Variants in NR2F1-AS1 observed in about 807,000 individuals in gnomAD.
NR2F1-AS1 encodes NR2F1 regulatory antisense RNA 1.
intron 4 of NR2F1-AS1, among the ~76,000 whole-genome samples, chr5:93,477,283 C>T (rs1375323299): frequency 6.6e-6 from 1 of 152,058 alleles, no homozygotes; most frequent in Non-Finnish European, 1.5e-5. Flanking sequence ...ACTGAAACAT[C>T]AATGCTAATG....
intron 4 of NR2F1-AS1, among the ~76,000 whole-genome samples, chr5:93,521,148 G>A (rs1199384907): frequency 6.6e-6 from 1 of 152,066 alleles, no homozygotes; most frequent in Non-Finnish European, 1.5e-5. Context: ...AATGATGCTG[G>A]GATAACTGGC....
chr5:93,540,720 T>G (rs1159695973), intron 4 of NR2F1-AS1, among the ~76,000 whole-genome samples: 1 of 152,064 alleles, frequency 6.6e-6, no homozygotes, highest in South Asian at 2.1e-4. Flanking sequence ...TAAAGAAGAA[T>G]TTTTCCCTTC....
chr5:93,566,107 A>G (rs970447453), intron 1 of NR2F1-AS1, among the ~76,000 whole-genome samples: 1 of 151,990 alleles, frequency 6.6e-6, no homozygotes, highest in African/African-American at 2.4e-5. Context: ...CTAAATATCT[A>G]CATAGAACCT....
intron 4 of NR2F1-AS1, among the ~76,000 whole-genome samples, chr5:93,501,507 C>G (rs1751079363): frequency 1.3e-5 from 2 of 151,862 alleles, no homozygotes; most frequent in African/African-American, 4.8e-5. Context: ...GTGTCCACCA[C>G]CATACCCAGC....
intron 4 of NR2F1-AS1, among the ~76,000 whole-genome samples, chr5:93,413,228 G>GTATA (rs769121658): frequency 1.5e-4 from 21 of 144,446 alleles, no homozygotes; most frequent in South Asian, 6.5e-4. Flanking sequence ...ATATGTGTGT[G>GTATA]TATATATATA....
chr5:93,522,448 T>C (rs1333276009), intron 4 of NR2F1-AS1, among the ~76,000 whole-genome samples: 5 of 152,164 alleles, frequency 3.3e-5, no homozygotes, highest in Non-Finnish European at 7.4e-5. Flanking sequence ...ACTAATTCAT[T>C]CCCTTTTTTA....
chr5:93,523,030 G>A (rs1751535683), intron 4 of NR2F1-AS1, among the ~76,000 whole-genome samples: 2 of 152,030 alleles, frequency 1.3e-5, no homozygotes, highest in African/African-American at 4.8e-5. Flanking sequence ...GGGGGCTAAA[G>A]CCAGGCAGCC....
chr5:93,425,939 A>T (rs975379681), intron 4 of NR2F1-AS1, among the ~76,000 whole-genome samples: 4 of 152,174 alleles, frequency 2.6e-5, no homozygotes, highest in African/African-American at 9.6e-5. Context: ...TTTAAAACAA[A>T]GATTAAAGTC....
intron 4 of NR2F1-AS1, among the ~76,000 whole-genome samples, chr5:93,547,542 G>A (rs545845830): frequency 6.6e-6 from 1 of 152,086 alleles, no homozygotes; most frequent in Non-Finnish European, 1.5e-5. Flanking sequence ...AATATCAACA[G>A]CAAGGAGGCC....
At chr5:93,479,560 A>G (rs1285766385) in intron 4 of NR2F1-AS1, among the ~76,000 whole-genome samples, 1 of 152,214 alleles carries the variant, frequency 6.6e-6, no homozygotes, top group Non-Finnish European at 1.5e-5. Flanking sequence ...TAGAAGGCAG[A>G]ATTTGATTTC....
At chr5:93,582,531 T>C (rs964984443), upstream of NR2F1-AS1, among the ~76,000 whole-genome samples, 2 of 152,148 alleles carry the variant, frequency 1.3e-5, no homozygotes, top group African/African-American at 2.4e-5. Flanking sequence ...ATTGTGCTTA[T>C]ATGTGAGAGA....
chr5:93,430,596 G>A (rs1207293356), intron 4 of NR2F1-AS1, among the ~76,000 whole-genome samples: 3 of 152,122 alleles, frequency 2.0e-5, no homozygotes, highest in Non-Finnish European at 4.4e-5. Context: ...AGTATTCAGA[G>A]TAATTATCTG....
At chr5:93,554,453 A>G (rs1384457944) in intron 3 of NR2F1-AS1, among the ~76,000 whole-genome samples, 1 of 152,210 alleles carries the variant, frequency 6.6e-6, no homozygotes, top group Non-Finnish European at 1.5e-5. Flanking sequence ...GACTCCTGAT[A>G]TGGAATTTTA....
chr5:93,484,248 A>ATC (rs1250644211), intron 4 of NR2F1-AS1, among the ~76,000 whole-genome samples: 3 of 152,224 alleles, frequency 2.0e-5, no homozygotes, highest in Non-Finnish European at 4.4e-5. Context: ...CTAACAGCGG[A>ATC]TCTCTCTGCA....
At chr5:93,413,421 T>G (rs1480643323) in intron 4 of NR2F1-AS1, among the ~76,000 whole-genome samples, 2 of 152,022 alleles carry the variant, frequency 1.3e-5, no homozygotes, top group African/African-American at 2.4e-5. Flanking sequence ...AAGTTAAAGC[T>G]TTAACTTCTG....
chr5:93,498,943 A>G (rs1751020226), intron 4 of NR2F1-AS1, among the ~76,000 whole-genome samples: 3 of 152,156 alleles, frequency 2.0e-5, no homozygotes. Context: ...AGAAGCACTA[A>G]GATCAGTTGA....
chr5:93,552,964 C>G (rs1240680709), intron 4 of NR2F1-AS1, among the ~76,000 whole-genome samples: 1 of 152,062 alleles, frequency 6.6e-6, no homozygotes, highest in Non-Finnish European at 1.5e-5. Context: ...AGATATACTA[C>G]TGACTCTTGT....
At chr5:93,508,280 A>G (rs1172051944) in intron 4 of NR2F1-AS1, among the ~76,000 whole-genome samples, 1 of 152,198 alleles carries the variant, frequency 6.6e-6, no homozygotes, top group Non-Finnish European at 1.5e-5. Context: ...AACCACACAG[A>G]ATAGGGAACC....
intron 4 of NR2F1-AS1, among the ~76,000 whole-genome samples, chr5:93,457,943 T>G (rs1158164420): frequency 6.6e-6 from 1 of 152,186 alleles, no homozygotes. Context: ...ATTGTACAAC[T>G]TCAAATATCG....
Sources: gnomAD v4.1 joint callset for allele counts (sites outside exome capture counted in the v4.1 genomes callset) on GRCh38, gnomAD v4.1.1 for gene constraint, MANE v1.5 for transcripts, NCBI Gene and HGNC (gene_info 2026-07-23, HGNC 2026-07-21) for gene names.